STXBP5L: variants seen among roughly 807,000 people sequenced by gnomAD.
The protein encoded by STXBP5L is syntaxin binding protein 5L.
A neutral mutation model predicts 144.5 loss-of-function variants in STXBP5L; 65 were observed. The observed-to-expected ratio is 0.45, with a 90% confidence interval of 0.37 to 0.55. The LOEUF is 0.55. Among genes scored for constraint, STXBP5L ranks in the 20% least tolerant of loss-of-function variants. The pLI is 0.00. For missense variants in STXBP5L, 1,298 were observed against 1,405.5 expected, an observed-to-expected ratio of 0.92 and a Z score of 1.22; for synonymous variants, 505 against 469.6, an observed-to-expected ratio of 1.08 and a Z score of -0.97.
At chr3:121,231,201 C>T (rs1181693921) in intron 11 of STXBP5L, among the ~76,000 whole-genome samples, 2 of 152,088 alleles carry the variant, frequency 1.3e-5, no homozygotes, top group Non-Finnish European at 2.9e-5. Flanking sequence ...AGGGTCTTAC[C>T]CATGGCCATT....
At chr3:121,355,207 A>C (rs548907943) in intron 20 of STXBP5L, among the ~76,000 whole-genome samples, 15 of 152,162 alleles carry the variant, frequency 9.9e-5, no homozygotes, top group African/African-American at 2.9e-4. Flanking sequence ...AGTGTTCTCT[A>C]TATTTCCTGA....
chr3:121,362,834 T>A (rs1310527930), intron 20 of STXBP5L, among the ~76,000 whole-genome samples: 12 of 152,112 alleles, frequency 7.9e-5, no homozygotes, highest in Non-Finnish European at 2.9e-5. Flanking sequence ...CAGCTGATAA[T>A]GTGCTGAGTC....
chr3:121,136,446 C>A (rs926995459), intron 7 of STXBP5L, among the ~76,000 whole-genome samples: 1 of 152,158 alleles, frequency 6.6e-6, no homozygotes, highest in Admixed American at 6.5e-5. Context: ...ACTTCAGCAG[C>A]CTTGAGACCA....
intron 3 of STXBP5L, among the ~76,000 whole-genome samples, chr3:121,005,498 A>G (rs1047985730): frequency 1.3e-5 from 2 of 151,998 alleles, no homozygotes; most frequent in Non-Finnish European, 2.9e-5. Flanking sequence ...TTTTCACAAA[A>G]CCAGCTCCTG....
chr3:121,410,390 T>G (rs2047088032), intron 23 of STXBP5L, among the ~76,000 whole-genome samples: 2 of 152,014 alleles, frequency 1.3e-5, no homozygotes, highest in African/African-American at 4.8e-5. Context: ...GAAATAATTT[T>G]GATATGATTT....
At chr3:120,921,753 T>G (rs748987841) in intron 2 of STXBP5L, among the ~76,000 whole-genome samples, 13 of 152,058 alleles carry the variant, frequency 8.5e-5, no homozygotes, top group Non-Finnish European at 1.3e-4. Flanking sequence ...CTTGGTAACT[T>G]TTTCAAAAAT....
At chr3:120,909,853 G>T in intron 2 of STXBP5L, 86 bp downstream of exon 2, 2 of 1,349,142 alleles carry the variant, frequency 1.5e-6, no homozygotes, top group Admixed American at 5.7e-5. Flanking sequence ...CCAGGAACAG[G>T]AAACTGTTGA....
At chr3:121,371,815 G>T (rs1466209046) in intron 20 of STXBP5L, among the ~76,000 whole-genome samples, 1 of 152,256 alleles carries the variant, frequency 6.6e-6, no homozygotes, top group Non-Finnish European at 1.5e-5. Flanking sequence ...CAGTGGCAGT[G>T]TTGCTGCACA....
chr3:121,219,904 A>G (rs1162070502), intron 10 of STXBP5L, among the ~76,000 whole-genome samples: 2 of 152,180 alleles, frequency 1.3e-5, no homozygotes, highest in Non-Finnish European at 2.9e-5. Context: ...TTATTATGTT[A>G]CACAACTTGT....
chr3:121,343,118 T>TG (rs1491312936), intron 20 of STXBP5L, among the ~76,000 whole-genome samples: 1 of 152,192 alleles, frequency 6.6e-6, no homozygotes, highest in Admixed American at 6.6e-5. Context: ...CATTTTTTCC[T>TG]GTGTTTTTTG....
Position 121,196,002 on chromosome 3 carries a change from C to A in STXBP5L, c.878-9921C>A, listed in dbSNP as rs200136555. 6.6e-5 allele frequency among the ~76,000 whole-genome samples: 10 copies of A among 152,060 alleles called. No homozygotes were observed. In the East Asian group the frequency reaches 1.9e-3, roughly 29 times the overall value. ...GTGGGATGCCTCCAGCGTTGTTATT[C>A]TTGTTCAATAGTACTTTGGCTATTT... On this transcript the variant is annotated intron_variant, in intron 9 of 26. Coordinates refer to ENST00000471454, the MANE Select transcript of STXBP5L (RefSeq NM_001308330.2).
intron 3 of STXBP5L, among the ~76,000 whole-genome samples, chr3:121,038,256 G>A (rs1377230149): frequency 6.6e-6 from 1 of 151,266 alleles, no homozygotes; most frequent in Non-Finnish European, 1.5e-5. Flanking sequence ...CTTTTTCTTT[G>A]CTAATATAGG....
intron 3 of STXBP5L, among the ~76,000 whole-genome samples, chr3:120,960,707 C>T (rs9872110): frequency 6.7e-6 from 1 of 149,398 alleles, no homozygotes; most frequent in African/African-American, 2.5e-5. Flanking sequence ...GGGAATTGAA[C>T]AATGAGAACA....
At chr3:121,172,924 C>G (rs7653810) in intron 9 of STXBP5L, among the ~76,000 whole-genome samples, 32,461 of 152,088 alleles carry the variant, frequency 0.21, 3,697 homozygotes, top group Non-Finnish European at 0.26. Context: ...ATACTTGGAA[C>G]CAACCCAAAT....
At chr3:121,196,835 T>TTG (rs1553734553) in intron 9 of STXBP5L, among the ~76,000 whole-genome samples, 1 of 148,604 alleles carries the variant, frequency 6.7e-6, no homozygotes, top group African/African-American at 2.5e-5. Flanking sequence ...ATGCCCAGAT[T>TTG]ATTGATTGAT....
intron 5 of STXBP5L, among the ~76,000 whole-genome samples, chr3:121,090,250 T>A (rs543569595): frequency 6.6e-6 from 1 of 152,254 alleles, no homozygotes; most frequent in East Asian, 1.9e-4. Flanking sequence ...GTGTTATTAA[T>A]GATAGGTGGG....
At chr3:121,175,398 A>G (rs573361904) in intron 9 of STXBP5L, among the ~76,000 whole-genome samples, 2 of 152,270 alleles carry the variant, frequency 1.3e-5, no homozygotes, top group South Asian at 4.1e-4. Context: ...GCATAAAAAT[A>G]TTTATCTCCA....
rs993333915 is a variant in STXBP5L at position 121,021,800 on chromosome 3, A to G, written c.288-19900A>G. On this transcript the variant is annotated intron_variant, in intron 3 of 26. Coordinates refer to ENST00000471454, the MANE Select transcript of STXBP5L (RefSeq NM_001308330.2). ...GGAAAGTTCATAGCATTAAATGCCT[A>G]TATAAAAAAGTCTGAAAGAGCACAA... Among the ~76,000 whole-genome samples the G allele has an allele frequency of 3.3e-5, 5 of 152,326 alleles. 1 individual carries two copies. The highest frequency in any genetic ancestry group is 6.8e-3 in the Middle Eastern group (2 of 294).
At chr3:121,416,110 A>G in intron 25 of STXBP5L, 142 bp downstream of exon 25, 2 of 610,768 alleles carry the variant, frequency 3.3e-6, no homozygotes, top group Non-Finnish European at 5.6e-6. Flanking sequence ...AAGTTTGAAT[A>G]TTTGTTTCCT....
Sources: allele counts gnomAD v4.1 joint callset (sites outside exome capture counted in the v4.1 genomes callset), GRCh38; gene constraint gnomAD v4.1.1; transcripts MANE v1.5; gene names NCBI Gene and HGNC (gene_info 2026-07-23, HGNC 2026-07-21).